TUB: variants seen among roughly 807,000 people sequenced by gnomAD.
The protein encoded by TUB is tubby protein homolog.
A neutral mutation model predicts 59.7 loss-of-function variants in TUB; 33 were observed. The ratio of observed to expected loss-of-function variants is 0.55; its 90% CI spans 0.42 to 0.74. The LOEUF is 0.74. Ranked by LOEUF, TUB falls within the 30% of genes least tolerant of loss-of-function variation. The pLI is 0.00. For missense variants in TUB, 659 were observed against 672.0 expected, an observed-to-expected ratio of 0.98 and a Z score of 0.21; for synonymous variants, 293 against 256.4, an observed-to-expected ratio of 1.14 and a Z score of -1.36.
intron 11 of TUB, among the ~76,000 whole-genome samples, 153 bp from the exon 12 acceptor site, chr11:8,101,333 T>C (rs1944292407): frequency 6.6e-6 from 1 of 152,200 alleles, no homozygotes; most frequent in African/African-American, 2.4e-5. Flanking sequence ...CTTCTCCCAA[T>C]TGGCCTTTGT....
upstream of TUB, among the ~76,000 whole-genome samples, chr11:8,035,079 G>C (rs79252990): frequency 3.3e-5 from 5 of 152,198 alleles, no homozygotes; most frequent in East Asian, 7.7e-4. Context: ...CTGAGACTAG[G>C]GTGAGGCTAG....
chr11:8,092,665 A>G (rs1378546115), intron 3 of TUB, among the ~76,000 whole-genome samples: 19 of 151,974 alleles, frequency 1.3e-4, no homozygotes, highest in Admixed American at 1.2e-3. Context: ...GTGACATTTG[A>G]TTTCTGGGAG....
chr11:8,059,344 C>T (rs2133770027), intron 2 of TUB, among the ~76,000 whole-genome samples: 1 of 152,258 alleles, frequency 6.6e-6, no homozygotes, highest in South Asian at 2.1e-4. Flanking sequence ...CTGGAGAGTA[C>T]AGGGGCAAAA....
Position 8,051,124 on chromosome 11 carries a change from T to C in TUB, c.203+11432T>C, listed in dbSNP as rs530799827. On this transcript the variant is annotated intron_variant, in intron 2 of 12. Transcript: ENST00000305253. ...TTTATTTGCTTTGTGTTTTGCTCTT[T>C]GTTACTGAAAAAAAAATGGGCTTAA... Among the ~76,000 whole-genome samples, 4 of 152,266 alleles carry C rather than the reference T, an allele frequency of 2.6e-5. No individual in the cohort carries two copies. The East Asian group carries it at 7.7e-4, about 29-fold the overall frequency.
chr11:8,089,517 T>G, intron 1 of TUB, 93 bp from the exon 2 acceptor site: 1 of 1,510,898 alleles, frequency 6.6e-7, no homozygotes, highest in Non-Finnish European at 9.2e-7. Flanking sequence ...ATGGGATGGG[T>G]TTAACGGGCC....
At chr11:8,061,414 C>T (rs1943123707) in intron 2 of TUB, among the ~76,000 whole-genome samples, 1 of 152,142 alleles carries the variant, frequency 6.6e-6, no homozygotes, top group Non-Finnish European at 1.5e-5. Context: ...GGGGTGGAAA[C>T]ACCCTGCGGT....
intron 1 of TUB, chr11:8,019,451 A>AGC (rs1564893158): frequency 1.1e-5 from 13 of 1,197,316 alleles, no homozygotes; most frequent in Non-Finnish European, 1.4e-5. Context: ...GACTGGCGCG[A>AGC]GCGCCCGACC....
intron 2 of TUB, among the ~76,000 whole-genome samples, chr11:8,052,304 A>T (rs187131922): frequency 9.2e-5 from 14 of 152,356 alleles, no homozygotes; most frequent in African/African-American, 2.9e-4. Flanking sequence ...ATACAGGAAC[A>T]GGGGATGCAT....
intron 1 of TUB, 116 bp from the exon 2 acceptor site, chr11:8,089,494 C>G: frequency 7.8e-7 from 1 of 1,278,096 alleles, no homozygotes; most frequent in Admixed American, 1.8e-5. Context: ...CTCACTGAGT[C>G]CCAGCAGCCG....
rs1590015921 is a variant in TUB, at chr11:8,104,470, G to T, written c.*2851G>T. The T allele has an allele frequency of 2.0e-5, 3 of 152,252 alleles. No individual in the cohort carries two copies. Among genetic ancestry groups the T allele is most frequent in the African/African-American group, 7.2e-5 (3 of 41,522 alleles). 9.4% of individuals were successfully genotyped at this position (152,252 alleles called of 1,614,324 possible). A position where few individuals can be genotyped will look rare whatever the true frequency, so the allele number is the denominator to read the frequency against. On this transcript the variant is annotated 3_prime_UTR_variant, in exon 12 of 12. Transcript: ENST00000299506. Reference sequence around the variant, plus strand: ...TCTGTGTGTTTATTTGGGGAAAAGGGCAATCAGCAATCAACTGAGGTTTCT... The same window carrying T: ...TCTGTGTGTTTATTTGGGGAAAAGGTCAATCAGCAATCAACTGAGGTTTCT...
chr11:8,097,673 A>G (rs781422100), intron 7 of TUB, 41 bp from the exon 8 acceptor site: 5 of 1,556,078 alleles, frequency 3.2e-6, no homozygotes, highest in African/African-American at 2.7e-5. Context: ...TGTGCAGACC[A>G]GAGGCTGAGT....
At chr11:8,064,333 C>A (rs1197923304) in intron 2 of TUB, among the ~76,000 whole-genome samples, 1 of 152,182 alleles carries the variant, frequency 6.6e-6, no homozygotes, top group East Asian at 1.9e-4. Flanking sequence ...CAGATGTGAC[C>A]TTCTGGGTAC....
rs116939965 is a variant in TUB, at chr11:8,054,788, T to C, written c.203+15096T>C. 9.1e-3 allele frequency among the ~76,000 whole-genome samples: 1,391 copies of C among 152,280 alleles called. 8 individuals are homozygous for C. The highest frequency in any genetic ancestry group is 0.016 in the Non-Finnish European group (1,055 of 68,026). Reference sequence around the variant, plus strand: ...ACCTGTGTTCATACATGTGCATGGGTGTATGTTCCTGTGTTACTGTCACTG... The same window carrying C: ...ACCTGTGTTCATACATGTGCATGGGCGTATGTTCCTGTGTTACTGTCACTG... On this transcript the variant is annotated intron_variant, in intron 2 of 12. Coordinates refer to the TUB transcript ENST00000305253.
At chr11:8,093,674 T>C (rs1192432480) in intron 3 of TUB, among the ~76,000 whole-genome samples, 1 of 152,204 alleles carries the variant, frequency 6.6e-6, no homozygotes, top group African/African-American at 2.4e-5. Context: ...GCAGCCTTTG[T>C]TCTTTCTTCC....
intron 2 of TUB, chr11:8,039,850 C>G (rs1942717457): frequency 8.0e-6 from 4 of 502,878 alleles, no homozygotes; most frequent in Admixed American, 4.1e-5. Flanking sequence ...GAGGGTGTGA[C>G]CACTGGACAA....
At chr11:8,023,850 C>A (rs1438956162) in intron 1 of TUB, among the ~76,000 whole-genome samples, 1 of 152,178 alleles carries the variant, frequency 6.6e-6, no homozygotes, top group Non-Finnish European at 1.5e-5. Context: ...CCCCATTAAC[C>A]ATTTTGTCTC....
intron 2 of TUB, among the ~76,000 whole-genome samples, chr11:8,052,445 A>C (rs932816659): frequency 7.5e-6 from 1 of 133,062 alleles, no homozygotes; most frequent in Non-Finnish European, 1.6e-5. Flanking sequence ...TATTTTTTCT[A>C]TTGCTTGTGT....
intron 3 of TUB, among the ~76,000 whole-genome samples, chr11:8,093,361 G>C (rs1195720737): frequency 6.6e-6 from 1 of 152,122 alleles, no homozygotes; most frequent in East Asian, 1.9e-4. Context: ...TGGTGCCCCA[G>C]AGGTGGGGAG....
chr11:8,081,554 C>T lies in TUB; in HGVS notation c.38+6C>T, dbSNP rs1439356965. On this transcript the variant is annotated splice_donor_region_variant and intron_variant, in intron 1 of 11. Transcript: ENST00000299506. ...TCCGACTGGATTCCCTACAGGTACG[C>T]GGGCGCCGGGCCGGGGCGCCCACCA... is the stretch of plus-strand genomic sequence containing the variant. 39 of 1,542,946 alleles carry T rather than the reference C, an allele frequency of 2.5e-5. No individual in the cohort carries two copies. The Admixed American group carries it at 7.0e-4, about 28-fold the overall frequency.
Sources: gnomAD v4.1 joint callset for allele counts (sites outside exome capture counted in the v4.1 genomes callset) on GRCh38, gnomAD v4.1.1 for gene constraint, MANE v1.5 for transcripts, NCBI Gene and HGNC (gene_info 2026-07-23, HGNC 2026-07-21) for gene names.